PLD5: variants seen among roughly 807,000 people sequenced by gnomAD.
PLD5 encodes the protein phospholipase D family member 5, also known as inactive phospholipase D5.
A neutral mutation model predicts 61.1 loss-of-function variants in PLD5; 36 were observed. The observed-to-expected ratio is 0.59, with a 90% CI of 0.45 to 0.78. The LOEUF is 0.78. Ranked by LOEUF, PLD5 falls within the 30% of genes least tolerant of loss-of-function variation. The pLI, the probability that PLD5 is intolerant of heterozygous loss-of-function variation, is 0.00. For synonymous variants in PLD5, 243 were observed against 242.8 expected (o/e 1.00, Z -0.01); for missense variants, 515 against 644.4 (o/e 0.80, Z 2.17).
intron 1 of PLD5, among the ~76,000 whole-genome samples, chr1:242,503,279 T>C (rs1489256153): frequency 6.6e-6 from 1 of 151,946 alleles, no homozygotes; most frequent in African/African-American, 2.4e-5. Context: ...TCACGCGAGA[T>C]CTGGTTGTTT....
At chr1:242,146,339 G>T (rs1664539234) in intron 5 of PLD5, among the ~76,000 whole-genome samples, 1 of 152,116 alleles carries the variant, frequency 6.6e-6, no homozygotes. Context: ...TTAATAAAAA[G>T]ATAATACAAC....
At chr1:242,444,574 T>A (rs1169227060) in intron 1 of PLD5, among the ~76,000 whole-genome samples, 2 of 149,284 alleles carry the variant, frequency 1.3e-5, no homozygotes, top group Non-Finnish European at 3.0e-5. Context: ...ATCCTCTAGA[T>A]CCATCTTCTC....
At chr1:242,137,495 A>G (rs1663828446) in intron 5 of PLD5, among the ~76,000 whole-genome samples, 1 of 152,232 alleles carries the variant, frequency 6.6e-6, no homozygotes, top group Non-Finnish European at 1.5e-5. Context: ...AAACAGCCAC[A>G]ATAATAACAC....
Position 242,088,730 on chromosome 1 carries a change from C to T in PLD5, c.*1124G>A, listed in dbSNP as rs1266392418. 6.6e-6 allele frequency: 1 copy of T among 152,180 alleles called. No individual in the cohort carries two copies. The highest frequency in any genetic ancestry group is 1.5e-5 in the Non-Finnish European group (1 of 68,044). 9.4% of individuals were successfully genotyped at this position (152,180 alleles called of 1,614,324 possible). On this transcript the variant is annotated 3_prime_UTR_variant, in exon 10 of 10. Coordinates refer to ENST00000536534, the MANE Select transcript of PLD5 (RefSeq NM_001372062.1). ...ATTGTATAGATATAAAACAACAACA[C>T]ACAATTACGTTATAGAACAATAATT...
At position 242,089,190 on chromosome 1, in the gene PLD5, C is replaced by T. The variant is rs1659624869; in HGVS notation, c.*664G>A. The stretch of plus-strand genomic sequence containing the variant: ...CCATTCTGAAAAATTTGTATGTTTT[C>T]AAAAGATGTTATCATAGTTAGAAGT... On this transcript the variant is annotated 3_prime_UTR_variant, in exon 10 of 10. Transcript: ENST00000536534. 2.5e-6 allele frequency: 1 copy of T among 396,464 alleles called. No individual in the cohort carries two copies. The highest frequency in any genetic ancestry group is 4.4e-6 in the Non-Finnish European group (1 of 225,112). The allele number at this position is 396,464 out of a possible 1,614,324, so 24.6% of individuals were successfully genotyped here. A position where few individuals can be genotyped will look rare whatever the true frequency, so the allele number is the denominator to read the frequency against.
chr1:242,417,542 C>T (rs78408020), intron 1 of PLD5, among the ~76,000 whole-genome samples: 9,447 of 152,304 alleles, frequency 0.062, 391 homozygotes, highest in Middle Eastern at 0.17. Context: ...ACTAAGCACA[C>T]TGTGTGTGGG....
At chr1:242,107,900 C>T in intron 7 of PLD5, 61 bp from the exon 8 acceptor site, 2 of 1,440,396 alleles carry the variant, frequency 1.4e-6, no homozygotes, top group Non-Finnish European at 1.9e-6. Flanking sequence ...AAGAAATTTA[C>T]TAGACAGCAT....
At chr1:242,140,515 T>C (rs1664082433) in intron 5 of PLD5, among the ~76,000 whole-genome samples, 1 of 152,110 alleles carries the variant, frequency 6.6e-6, no homozygotes, top group African/African-American at 2.4e-5. Flanking sequence ...CATGTACTTG[T>C]AGTCTCAGCT....
intron 5 of PLD5, among the ~76,000 whole-genome samples, chr1:242,174,877 C>T (rs797017138): frequency 1.3e-5 from 2 of 152,046 alleles, no homozygotes; most frequent in Non-Finnish European, 2.9e-5. Flanking sequence ...GGAAGGGGAA[C>T]GTCACACACC....
At chr1:242,302,368 T>C (rs1158600343) in intron 2 of PLD5, among the ~76,000 whole-genome samples, 1 of 152,200 alleles carries the variant, frequency 6.6e-6, no homozygotes, top group Non-Finnish European at 1.5e-5. Flanking sequence ...CAAAAATGTA[T>C]TGTTATTTAC....
At chr1:242,445,755 T>C (rs1175904564) in intron 1 of PLD5, among the ~76,000 whole-genome samples, 2 of 146,088 alleles carry the variant, frequency 1.4e-5, no homozygotes, top group Admixed American at 7.1e-5. Flanking sequence ...GGGGTTTTAT[T>C]CACTTCTTTT....
intron 1 of PLD5, among the ~76,000 whole-genome samples, chr1:242,478,507 T>C (rs1216159656): frequency 6.6e-6 from 1 of 152,180 alleles, no homozygotes; most frequent in Non-Finnish European, 1.5e-5. Context: ...ATTTGTTTCT[T>C]CTATCTTATA....
intron 1 of PLD5, among the ~76,000 whole-genome samples, chr1:242,470,576 C>T (rs10926748): frequency 0.059 from 8,906 of 152,124 alleles, 317 homozygotes; most frequent in African/African-American, 0.063. Flanking sequence ...TAATCAGCTA[C>T]TAGAGTCTAG....
chr1:242,258,133 CG>C (rs1673185693), intron 4 of PLD5, among the ~76,000 whole-genome samples: 2 of 152,094 alleles, frequency 1.3e-5, no homozygotes, highest in Admixed American at 6.5e-5. Flanking sequence ...ATATAAAAAC[CG>C]ATTTGAATAA....
intron 4 of PLD5, among the ~76,000 whole-genome samples, chr1:242,258,651 T>C (rs1673214644): frequency 6.6e-6 from 1 of 152,298 alleles, no homozygotes; most frequent in East Asian, 1.9e-4. Flanking sequence ...CAACAAACCA[T>C]TTAAGGACCC....
chr1:242,185,540 AG>A (rs751649101), intron 5 of PLD5, among the ~76,000 whole-genome samples: 15 of 152,220 alleles, frequency 9.9e-5, no homozygotes, highest in Non-Finnish European at 1.8e-4. Context: ...TATTACTTTC[AG>A]GTAAGACAAG....
chr1:242,280,315 C>T (rs940425927), intron 3 of PLD5, among the ~76,000 whole-genome samples: 44 of 152,118 alleles, frequency 2.9e-4, no homozygotes, highest in African/African-American at 9.9e-4. Flanking sequence ...AATAACACTG[C>T]GAATTTGCCT....
chr1:242,106,085 C>A (rs1262847261), intron 8 of PLD5, among the ~76,000 whole-genome samples: 1 of 152,144 alleles, frequency 6.6e-6, no homozygotes. Flanking sequence ...ACAGTACCTG[C>A]CCAGAAGAGT....
At chr1:242,271,130 T>C (rs1674039978) in intron 3 of PLD5, among the ~76,000 whole-genome samples, 1 of 150,630 alleles carries the variant, frequency 6.6e-6, no homozygotes, top group Non-Finnish European at 1.5e-5. Flanking sequence ...CCTGGATTAG[T>C]GGCCTGAATA....
Sources: gnomAD v4.1 joint callset for allele counts (sites outside exome capture counted in the v4.1 genomes callset) on GRCh38, gnomAD v4.1.1 for gene constraint, MANE v1.5 for transcripts, NCBI Gene and HGNC (gene_info 2026-07-23, HGNC 2026-07-21) for gene names.